The following GAD2 variants were observed in gnomAD, a reference collection of about 807,000 sequenced individuals.
GAD2 encodes the protein glutamate decarboxylase 2.
GAD2 carries 22 observed loss-of-function variants against 80.1 expected under a neutral mutation model. The observed-to-expected ratio is 0.27, with a 90% CI of 0.20 to 0.39. The LOEUF is 0.39. Among genes scored for constraint, GAD2 ranks in the 10% least tolerant of loss-of-function variants. GAD2 has a pLI of 1.00. For missense variants in GAD2, 624 were observed against 738.4 expected, an observed-to-expected ratio of 0.85 and a Z score of 1.80; for synonymous variants, 274 against 256.9, an observed-to-expected ratio of 1.07 and a Z score of -0.64.
Position 26,300,850 on chromosome 10 carries a change from C to T in GAD2, c.1647C>T (p.Pro549=). The T allele has an allele frequency of 1.2e-6, 2 of 1,613,886 alleles. No homozygotes were observed. Among genetic ancestry groups the T allele is most frequent in the South Asian group, 1.1e-5 (1 of 91,060 alleles). ...EYGTTMVSYQ[P]LGDKVNFFRM... is the part of the protein sequence containing the mutation. ...GAACCACAATGGTCAGCTACCAACC[C>T]TTGGGAGACAAGGTCAATTTCTTCC... Residue 549 remains proline, a synonymous_variant, in exon 16 of 16, where the codon CCC becomes CCT. Coordinates refer to ENST00000376261, the MANE Select transcript of GAD2 (RefSeq NM_001134366.2).
chr10:26,263,442 G>T (rs994278750), intron 8 of GAD2, among the ~76,000 whole-genome samples: 3 of 152,030 alleles, frequency 2.0e-5, no homozygotes, highest in Non-Finnish European at 2.9e-5. Context: ...TTATCTTAGG[G>T]GCCTAAGACA....
At chr10:26,289,821 C>G in intron 13 of GAD2, among the ~76,000 whole-genome samples, 1 of 133,072 alleles carries the variant, frequency 7.5e-6, no homozygotes, top group East Asian at 2.3e-4. Flanking sequence ...GAAATGGAGT[C>G]TTGCTCTGTT....
chr10:26,278,345 G>A (rs1845235626), intron 11 of GAD2, among the ~76,000 whole-genome samples: 1 of 152,244 alleles, frequency 6.6e-6, no homozygotes, highest in Admixed American at 6.5e-5. Context: ...AAATGACAGA[G>A]ATGAAATCCA....
At chr10:26,280,267 G>A (rs141309832) in intron 11 of GAD2, among the ~76,000 whole-genome samples, 80 of 152,340 alleles carry the variant, frequency 5.3e-4, no homozygotes, top group African/African-American at 1.9e-3. Flanking sequence ...AGTTAATTTT[G>A]AAAGTTTATC....
chr10:26,217,012 C>A lies in GAD2; in HGVS notation c.76+127C>A. The A allele has an allele frequency of 2.6e-6, 2 of 776,824 alleles. No homozygotes were observed. Among genetic ancestry groups the A allele is most frequent in the Non-Finnish European group, 2.1e-6 (1 of 477,836 alleles). 48.1% of individuals were successfully genotyped at this position (776,824 alleles called of 1,614,324 possible). A position where few individuals can be genotyped will look rare whatever the true frequency, so the allele number is the denominator to read the frequency against. On this transcript the variant is annotated intron_variant, in intron 1 of 15. Coordinates refer to ENST00000376261, the MANE Select transcript of GAD2 (RefSeq NM_001134366.2). This position sits in a 1 kb window ranked among gnomAD's most constrained non-coding sequence, Gnocchi z 4.9. ...AAACTTCTTCGGGCGCTTCTCCCTG[C>A]TTTTGGGCTAAGTCCTTGACGGCCC...
At chr10:26,282,504 T>C (rs991178624) in intron 12 of GAD2, among the ~76,000 whole-genome samples, 1 of 152,034 alleles carries the variant, frequency 6.6e-6, no homozygotes, top group Non-Finnish European at 1.5e-5. Context: ...ATACCTCATA[T>C]ATACATGTTG....
At chr10:26,271,534 G>C (rs763751387) in intron 10 of GAD2, among the ~76,000 whole-genome samples, 5 of 152,120 alleles carry the variant, frequency 3.3e-5, no homozygotes, top group Non-Finnish European at 5.9e-5. Context: ...ACAAACCATC[G>C]CTAATCACAA....
chr10:26,223,837 A>T (rs773356561), intron 4 of GAD2, 50 bp from the exon 5 acceptor site: 21 of 1,233,630 alleles, frequency 1.7e-5, no homozygotes, highest in Non-Finnish European at 2.2e-5. Context: ...TTTGAGAGGC[A>T]TTTATTTTCA....
Position 26,217,760 on chromosome 10 carries a change from T to G in GAD2, c.137-82T>G. ...GCATCCCAGTCAGCGGAGTCGGGGT[T>G]TCCTGGCTGCGGGTAGGCGGGAGCG... On this transcript the variant is annotated intron_variant, in intron 2 of 15. Transcript: ENST00000376261. This position sits in a 1 kb window ranked among gnomAD's most constrained non-coding sequence, Gnocchi z 4.9. 1 of 1,583,868 alleles carries G rather than the reference T, an allele frequency of 6.3e-7. No homozygotes were observed. The highest frequency in any genetic ancestry group is 8.6e-7 in the Non-Finnish European group (1 of 1,164,060).
In GAD2 at chr10:26,301,093, A is replaced by G; in HGVS notation, c.*132A>G. The stretch of plus-strand genomic sequence containing the variant: ...TGTGGTGTCAAAGTAGAGTTTAAAA[A>G]TTAAACAAAAAAGACATTGCTCCTT... On this transcript the variant is annotated 3_prime_UTR_variant, in exon 16 of 16. Transcript: ENST00000376261. 3 of 768,816 alleles carry G rather than the reference A, an allele frequency of 3.9e-6. No individual in the cohort carries two copies. Among genetic ancestry groups the G allele is most frequent in the Non-Finnish European group, 6.2e-6 (3 of 486,460 alleles). The allele number at this position is 768,816 out of a possible 1,614,324, so 47.6% of individuals were successfully genotyped here.
intron 8 of GAD2, among the ~76,000 whole-genome samples, chr10:26,248,587 C>T (rs375460817): frequency 2.0e-5 from 3 of 152,160 alleles, no homozygotes; most frequent in South Asian, 2.1e-4. Context: ...AGAAGCTGAT[C>T]GTTTACTTCT....
rs536304529 is a variant in GAD2 at position 26,276,421 on chromosome 10, A to C, written c.1157+2721A>C. Among the ~76,000 whole-genome samples the C allele has an allele frequency of 2.0e-5, 3 of 150,302 alleles. No homozygotes were observed. In the East Asian group the frequency reaches 5.9e-4, roughly 29 times the overall value. On this transcript the variant is annotated intron_variant, in intron 11 of 15. Coordinates refer to ENST00000376261, the MANE Select transcript of GAD2 (RefSeq NM_001134366.2). The stretch of plus-strand genomic sequence containing the variant: ...TTTTGAGATGGAGTCTCACTCTGTC[A>C]CCCAGGCTGGAGTGTGGCAGCGCAA...
chr10:26,264,882 G>C (rs1333082657), intron 8 of GAD2, among the ~76,000 whole-genome samples: 1 of 152,194 alleles, frequency 6.6e-6, no homozygotes, highest in African/African-American at 2.4e-5. Context: ...CTTAGGAAAG[G>C]CTGATAGTAT....
At chr10:26,256,259 T>G (rs12360108) in intron 8 of GAD2, among the ~76,000 whole-genome samples, 47,753 of 151,420 alleles carry the variant, frequency 0.32, 8,191 homozygotes, top group African/African-American at 0.46. Context: ...TATATATATA[T>G]ATAGAGAGAG....
chr10:26,294,469 A>G (rs1834252585), intron 15 of GAD2, among the ~76,000 whole-genome samples: 1 of 152,216 alleles, frequency 6.6e-6, no homozygotes, highest in African/African-American at 2.4e-5. Flanking sequence ...GCCATACATT[A>G]GAATCATCCA....
chr10:26,250,877 CTTTT>C (rs1181428173), intron 8 of GAD2, among the ~76,000 whole-genome samples: 2 of 112,948 alleles, frequency 1.8e-5, no homozygotes, highest in Non-Finnish European at 3.5e-5. Flanking sequence ...GTTTTTTTTC[CTTTT>C]TTTTTTTTTT....
At chr10:26,256,267 G>A (rs1434465899) in intron 8 of GAD2, among the ~76,000 whole-genome samples, 2 of 151,924 alleles carry the variant, frequency 1.3e-5, no homozygotes, top group Non-Finnish European at 2.9e-5. Flanking sequence ...TATATAGAGA[G>A]AGAACCATTT....
At chr10:26,243,645 T>C (rs937509667) in intron 7 of GAD2, among the ~76,000 whole-genome samples, 1 of 152,232 alleles carries the variant, frequency 6.6e-6, no homozygotes, top group African/African-American at 2.4e-5. Context: ...GGCTTGGCAG[T>C]GTGGCCTGTT....
chr10:26,216,904 GCCTGC>G lies in GAD2; in HGVS notation c.76+20_76+24del. ...GGCACAGGTAGGAAGGAGAACGGGG[GCCTGC>G]GGCGGGCGAGTTTTGCGGTGGTCTG... On this transcript the variant is annotated intron_variant, in intron 1 of 15. Coordinates refer to ENST00000376261, the MANE Select transcript of GAD2 (RefSeq NM_001134366.2). This position sits in a 1 kb window ranked among gnomAD's most constrained non-coding sequence, Gnocchi z 4.7. The G allele has an allele frequency of 6.3e-7, 1 of 1,599,562 alleles. No individual in the cohort carries two copies. The highest frequency in any genetic ancestry group is 8.5e-7 in the Non-Finnish European group (1 of 1,171,420).
Sources: allele counts gnomAD v4.1 joint callset (sites outside exome capture counted in the v4.1 genomes callset), GRCh38; gene constraint gnomAD v4.1.1; non-coding constraint Gnocchi (gnomAD v3.1); transcripts MANE v1.5; gene names NCBI Gene and HGNC (gene_info 2026-07-23, HGNC 2026-07-21).